The following GTF2F2 variants were observed in gnomAD, a reference collection of about 807,000 sequenced individuals.
GTF2F2 encodes the protein ATP-dependent helicase GTF2F2.
Under a neutral mutation model 42.2 loss-of-function variants are expected in GTF2F2, and 23 were observed. The observed-to-expected ratio is 0.55, with a 90% CI of 0.39 to 0.77. The LOEUF is 0.77. Among genes scored for constraint, GTF2F2 ranks in the 30% least tolerant of loss-of-function variants. GTF2F2 has a pLI of 0.00. For missense variants in GTF2F2, 261 were observed against 287.2 expected (o/e 0.91, Z 0.66); for synonymous variants, 105 against 100.8 (o/e 1.04, Z -0.25).
chr13:45,187,757 A>G (rs1315922289), intron 4 of GTF2F2, among the ~76,000 whole-genome samples: 3 of 152,240 alleles, frequency 2.0e-5, no homozygotes, highest in African/African-American at 7.2e-5. Flanking sequence ...ATAGTCCTCC[A>G]TATTACATCT....
At chr13:45,195,400 A>G (rs762559350) in intron 4 of GTF2F2, among the ~76,000 whole-genome samples, 25 of 152,160 alleles carry the variant, frequency 1.6e-4, no homozygotes, top group South Asian at 4.1e-4. Context: ...GTGCTGAACA[A>G]AGACTTGGAC....
intron 4 of GTF2F2, among the ~76,000 whole-genome samples, chr13:45,179,182 C>T (rs1057300941): frequency 6.6e-6 from 1 of 152,154 alleles, no homozygotes; most frequent in Non-Finnish European, 1.5e-5. Context: ...ATAAAATAGA[C>T]CCCACCTCTT....
At chr13:45,255,446 A>C (rs989771225) in intron 6 of GTF2F2, among the ~76,000 whole-genome samples, 1 of 152,222 alleles carries the variant, frequency 6.6e-6, no homozygotes, top group African/African-American at 2.4e-5. Flanking sequence ...CAAACCAGGT[A>C]AAAGTTCAAC....
intron 4 of GTF2F2, among the ~76,000 whole-genome samples, chr13:45,171,004 A>G (rs879147433): frequency 1.3e-5 from 2 of 151,388 alleles, no homozygotes; most frequent in Non-Finnish European, 2.9e-5. Context: ...AATTTAGTAG[A>G]GAGAAAGCAA....
At chr13:45,252,202 G>T (rs1414022652) in intron 5 of GTF2F2, among the ~76,000 whole-genome samples, 2 of 152,178 alleles carry the variant, frequency 1.3e-5, no homozygotes, top group Non-Finnish European at 2.9e-5. Context: ...GAGTGCAGTG[G>T]CACAGTCACA....
chr13:45,217,297 C>CAAAA (rs397851526), intron 5 of GTF2F2, among the ~76,000 whole-genome samples: 1 of 85,512 alleles, frequency 1.2e-5, no homozygotes, highest in Non-Finnish European at 2.5e-5. Flanking sequence ...GACTCCATCT[C>CAAAA]AAAAAAAAAA....
chr13:45,258,374 AAG>A (rs1876187304), intron 6 of GTF2F2, among the ~76,000 whole-genome samples: 1 of 151,802 alleles, frequency 6.6e-6, no homozygotes, highest in African/African-American at 2.4e-5. Context: ...AAAAAAAAAA[AAG>A]AAGAAAAATC....
chr13:45,194,575 A>G lies in GTF2F2; in HGVS notation c.305-12849A>G, dbSNP rs116237860. The stretch of plus-strand genomic sequence containing the variant: ...GTTTATTTTACGCTCCATTTTTTGA[A>G]GATGCTATTTCAGCTTGTTCTTCTT... On this transcript the variant is annotated intron_variant, in intron 4 of 7. Transcript: ENST00000340473. The G allele has an allele frequency of 1.4e-3, 2,182 of 1,605,408 alleles. 18 individuals carry two copies. In the African/African-American group the frequency reaches 0.026, roughly 19 times the overall value.
intron 4 of GTF2F2, among the ~76,000 whole-genome samples, chr13:45,180,379 A>C (rs1245209456): frequency 6.6e-6 from 1 of 152,034 alleles, no homozygotes; most frequent in African/African-American, 2.4e-5. Flanking sequence ...TATACTATAG[A>C]CTCATGCGTA....
intron 5 of GTF2F2, among the ~76,000 whole-genome samples, chr13:45,239,281 C>T (rs546194800): frequency 2.0e-5 from 3 of 152,236 alleles, no homozygotes; most frequent in East Asian, 3.9e-4. Context: ...AAGGAAACTA[C>T]GTAAGATAGT....
intron 4 of GTF2F2, among the ~76,000 whole-genome samples, chr13:45,177,514 C>T (rs903567600): frequency 8.5e-5 from 13 of 152,140 alleles, no homozygotes; most frequent in African/African-American, 3.1e-4. Context: ...GTCCAGCATA[C>T]CCATGCTGTA....
chr13:45,238,849 C>T (rs1007006386), intron 5 of GTF2F2, among the ~76,000 whole-genome samples: 11 of 148,420 alleles, frequency 7.4e-5, no homozygotes, highest in African/African-American at 2.8e-4. Context: ...GAGGCTGAGG[C>T]AGGAGAATCT....
chr13:45,236,707 A>G (rs1405201806), intron 5 of GTF2F2, among the ~76,000 whole-genome samples: 2 of 152,212 alleles, frequency 1.3e-5, no homozygotes, highest in African/African-American at 4.8e-5. Context: ...AAAATCAACC[A>G]AAAGGGTCGA....
At chr13:45,127,941 T>TTTTC in intron 1 of GTF2F2, among the ~76,000 whole-genome samples, 1 of 73,666 alleles carries the variant, frequency 1.4e-5, no homozygotes, top group East Asian at 2.8e-4. Context: ...CCCCGGCCTT[T>TTTTC]TTTTTTTTTT....
chr13:45,184,472 T>G (rs1287339222), intron 4 of GTF2F2, among the ~76,000 whole-genome samples: 4 of 148,790 alleles, frequency 2.7e-5, no homozygotes, highest in Non-Finnish European at 5.9e-5. Flanking sequence ...CACTGCAGCC[T>G]CGAACTCTTG....
At chr13:45,234,893 A>G (rs1254050983) in intron 5 of GTF2F2, among the ~76,000 whole-genome samples, 1 of 151,960 alleles carries the variant, frequency 6.6e-6, no homozygotes, top group Non-Finnish European at 1.5e-5. Context: ...TAAAAATACA[A>G]AGTTAGCCGG....
intron 5 of GTF2F2, among the ~76,000 whole-genome samples, chr13:45,248,933 G>T (rs1875760734): frequency 1.3e-5 from 2 of 152,204 alleles, no homozygotes; most frequent in South Asian, 4.1e-4. Context: ...AAATGGTCAG[G>T]GTAGCCTTTT....
At chr13:45,142,079 A>T (rs1324604024) in intron 2 of GTF2F2, among the ~76,000 whole-genome samples, 1 of 152,180 alleles carries the variant, frequency 6.6e-6, no homozygotes, top group African/African-American at 2.4e-5. Context: ...TTAGTCTTGA[A>T]TTCTTTTGAA....
At chr13:45,182,713 A>G (rs1329047947) in intron 4 of GTF2F2, among the ~76,000 whole-genome samples, 1 of 152,080 alleles carries the variant, frequency 6.6e-6, no homozygotes, top group Non-Finnish European at 1.5e-5. Context: ...ATTTTTAGAA[A>G]TCATTTTGCT....
Sources: gnomAD v4.1 joint callset for allele counts (sites outside exome capture counted in the v4.1 genomes callset) on GRCh38, gnomAD v4.1.1 for gene constraint, MANE v1.5 for transcripts, NCBI Gene and HGNC (gene_info 2026-07-23, HGNC 2026-07-21) for gene names.